Variants in ZDHHC8 observed in about 807,000 individuals in gnomAD.
The protein encoded by ZDHHC8 is zDHHC palmitoyltransferase 8.
Under a neutral mutation model 61.2 loss-of-function variants are expected in ZDHHC8, and 24 were observed. The observed-to-expected ratio is 0.39, with a 90% CI of 0.28 to 0.55. The LOEUF is 0.55. Ranked by LOEUF, ZDHHC8 falls within the 20% of genes least tolerant of loss-of-function variation. The probability of loss-of-function intolerance (pLI) is 0.60; values close to 1 mark genes in which losing one functional copy is unlikely to be tolerated. For missense variants in ZDHHC8, 935 were observed against 1,102.1 expected (o/e 0.85, Z 2.15); for synonymous variants, 523 against 492.5 (o/e 1.06, Z -0.82).
chr22:20,144,683 G>A (rs1374035521), intron 10 of ZDHHC8, among the ~76,000 whole-genome samples: 1 of 152,256 alleles, frequency 6.6e-6, no homozygotes, highest in East Asian at 1.9e-4. Flanking sequence ...GGAGTGATGA[G>A]TGGGGAGCCC....
In ZDHHC8 at chr22:20,141,487, TC is replaced by T; in HGVS notation, c.1086del (p.Thr363ArgfsTer20). 6.2e-7 allele frequency: 1 copy of T among 1,612,908 alleles called. No individual in the cohort carries two copies. Among genetic ancestry groups the T allele is most frequent in the Non-Finnish European group, 8.5e-7 (1 of 1,179,864 alleles). ...TPAMYKFRPA[F>X]PTGPKVPFCG... ...GCCATGTACAAGTTTAGGCCGGCTT[TC>T]CCCACGGGTCCCAAGGTGCCCTTCT... On this transcript the variant is annotated frameshift_variant, in exon 9 of 11. Coordinates refer to ENST00000334554, the MANE Select transcript of ZDHHC8 (RefSeq NM_013373.4). LOFTEE classifies it high-confidence loss of function.
intron 5 of ZDHHC8, 70 bp downstream of exon 5, chr22:20,140,287 G>A: frequency 2.1e-6 from 3 of 1,451,270 alleles, no homozygotes; most frequent in Non-Finnish European, 2.8e-6. Flanking sequence ...GGACAGGGTG[G>A]GGGCTGGGGC....
At chr22:20,136,015 C>T (rs1037279444) in intron 1 of ZDHHC8, among the ~76,000 whole-genome samples, 5 of 152,252 alleles carry the variant, frequency 3.3e-5, no homozygotes, top group South Asian at 4.1e-4. Context: ...CCAGCCCAGG[C>T]GGGACTTGGG....
chr22:20,136,917 G>T (rs913070962), intron 1 of ZDHHC8, among the ~76,000 whole-genome samples: 3 of 152,224 alleles, frequency 2.0e-5, no homozygotes, highest in Non-Finnish European at 4.4e-5. Context: ...GCCTGCGTGT[G>T]CTCCTCATCT....
Position 20,147,469 on chromosome 22 carries a change from G to A in ZDHHC8, c.*2069G>A. The A allele has an allele frequency of 7.0e-6, 3 of 426,122 alleles. No homozygotes were observed. Among genetic ancestry groups the A allele is most frequent in the Non-Finnish European group, 1.2e-5 (3 of 245,668 alleles). 26.4% of individuals were successfully genotyped at this position (426,122 alleles called of 1,614,324 possible). A position where few individuals can be genotyped will look rare whatever the true frequency, so the allele number is the denominator to read the frequency against. ...CCCACAGGGGGGCAGTCCCAGAGCT[G>A]TGGGGACCGGCACGACCTTTGCCCA... On this transcript the variant is annotated 3_prime_UTR_variant, in exon 11 of 11. Transcript: ENST00000334554.
intron 9 of ZDHHC8, among the ~76,000 whole-genome samples, chr22:20,141,826 A>G (rs2050473860): frequency 6.6e-6 from 1 of 152,180 alleles, no homozygotes; most frequent in Admixed American, 6.5e-5. Context: ...CTTGGCCAGC[A>G]TTGCCCTAGG....
chr22:20,145,824 CCTT>C lies in ZDHHC8; in HGVS notation c.*427_*429del. On this transcript the variant is annotated 3_prime_UTR_variant, in exon 11 of 11. Transcript: ENST00000334554. ...CAGAGGCACCCAGGGCCCCCACCGT[CCTT>C]CTGACACAGCCTGTGGGCTCCCGGA... 2 of 987,888 alleles carry C rather than the reference CCTT, an allele frequency of 2.0e-6. No homozygotes were observed. Among genetic ancestry groups the C allele is most frequent in the Non-Finnish European group, 2.4e-6 (2 of 831,622 alleles). 61.2% of individuals were successfully genotyped at this position (987,888 alleles called of 1,614,324 possible). A position where few individuals can be genotyped will look rare whatever the true frequency, so the allele number is the denominator to read the frequency against.
chr22:20,141,472 A>C lies in ZDHHC8; in HGVS notation c.1067A>C (p.Lys356Thr). 2.5e-6 allele frequency: 4 copies of C among 1,613,258 alleles called. No homozygotes were observed. Among genetic ancestry groups the C allele is most frequent in the Non-Finnish European group, 3.4e-6 (4 of 1,179,914 alleles). Reference sequence around the variant, plus strand: ...AGCCCCCCGACACCTGCCATGTACAAGTTTAGGCCGGCTTTCCCCACGGGT... The same window carrying C: ...AGCCCCCCGACACCTGCCATGTACACGTTTAGGCCGGCTTTCCCCACGGGT... ...RTSPPTPAMYKFRPAFPTGPK... is the reference protein window; with the variant it reads ...RTSPPTPAMYTFRPAFPTGPK... The change falls in exon 9 of 11, where the codon AAG becomes ACG. Residue 356 changes from lysine (K) to threonine (T), a missense_variant. Lys to Thr is a moderately conservative substitution (Grantham distance 78, BLOSUM62 -1). Transcript: ENST00000334554.
chr22:20,143,872 G>C, intron 10 of ZDHHC8, 116 bp downstream of exon 10: 1 of 1,325,604 alleles, frequency 7.5e-7, no homozygotes, highest in Non-Finnish European at 1.0e-6. Context: ...GTTTTTCTCT[G>C]GGGACGGGAC....
rs142069002 is a variant in ZDHHC8, at chr22:20,143,559, C to G, written c.1929C>G (p.Ser643=). The G allele has an allele frequency of 2.6e-5, 42 of 1,596,936 alleles. 1 individual carries two copies. In the South Asian group the frequency reaches 3.5e-4, roughly 13 times the overall value. ...SSVSRAPRTS[S]SSLQADQASS... is the part of the protein sequence containing the mutation. Reference sequence around the variant, plus strand: ...TGAGCCGTGCACCGCGGACGTCGTCCTCCTCCCTGCAGGCTGATCAGGCCA... The same window carrying G: ...TGAGCCGTGCACCGCGGACGTCGTCGTCCTCCCTGCAGGCTGATCAGGCCA... Residue 643 remains serine (S), a synonymous_variant, in exon 10 of 11, where the codon TCC becomes TCG. Transcript: ENST00000334554.
intron 1 of ZDHHC8, among the ~76,000 whole-genome samples, chr22:20,132,730 C>T (rs1014254365): frequency 6.6e-6 from 1 of 152,256 alleles, no homozygotes; most frequent in Non-Finnish European, 1.5e-5. Context: ...TGAGAGCCCG[C>T]GCCTGCAGGA....
chr22:20,135,138 A>G (rs569844148), intron 1 of ZDHHC8, among the ~76,000 whole-genome samples: 1 of 151,098 alleles, frequency 6.6e-6, no homozygotes, highest in Non-Finnish European at 1.5e-5. Flanking sequence ...TTTAGTAGAG[A>G]TGGGGTCTCG....
intron 10 of ZDHHC8, among the ~76,000 whole-genome samples, chr22:20,144,561 C>T (rs567223577): frequency 6.6e-6 from 1 of 152,232 alleles, no homozygotes; most frequent in Non-Finnish European, 1.5e-5. Flanking sequence ...GCCCAGGCCA[C>T]TTGGCCACAA....
At position 20,146,448 on chromosome 22, in the gene ZDHHC8, AAG is replaced by A. The variant is rs776948001; in HGVS notation, c.*1051_*1052del. 247 of 985,494 alleles carry A rather than the reference AAG, an allele frequency of 2.5e-4. No individual in the cohort carries two copies. The highest frequency in any genetic ancestry group is 1.6e-3 in the Middle Eastern group (3 of 1,914). The allele number at this position is 985,494 out of a possible 1,614,324, so 61.0% of individuals were successfully genotyped here. ...CTATAATTTTATTAAAAAAAAGAAA[AAG>A]AGTTATTTTGATTCTTTCCTTGGGC... On this transcript the variant is annotated 3_prime_UTR_variant, in exon 11 of 11. Coordinates refer to ENST00000334554, the MANE Select transcript of ZDHHC8 (RefSeq NM_013373.4).
Position 20,132,061 on chromosome 22 carries a change from C to CG in ZDHHC8, c.104+11dup. The stretch of plus-strand genomic sequence containing the variant: ...TCTTCTTCGTGTTCACGTGAGTCGG[C>CG]GCCGCGTCTGGGGGCACGCGGGCAG... On this transcript the variant is annotated intron_variant, in intron 1 of 10. Transcript: ENST00000334554. 1 of 1,289,072 alleles carries CG rather than the reference C, an allele frequency of 7.8e-7. No homozygotes were observed. Among genetic ancestry groups the CG allele is most frequent in the Non-Finnish European group, 1.0e-6 (1 of 1,000,196 alleles). 79.9% of individuals were successfully genotyped at this position (1,289,072 alleles called of 1,614,324 possible).
chr22:20,133,040 G>T (rs560800652), intron 1 of ZDHHC8, among the ~76,000 whole-genome samples: 4 of 152,358 alleles, frequency 2.6e-5, no homozygotes, highest in Non-Finnish European at 5.9e-5. Context: ...GCTGCCTGGC[G>T]CTCGTCACCT....
chr22:20,142,245 C>T (rs555401590), intron 9 of ZDHHC8, among the ~76,000 whole-genome samples: 4 of 152,158 alleles, frequency 2.6e-5, no homozygotes, highest in Non-Finnish European at 4.4e-5. Flanking sequence ...ATGTAGGGGC[C>T]GTGCCTCGCA....
rs1330047106 is a variant in ZDHHC8, at chr22:20,140,656, C to T, written c.700C>T (p.Arg234Ter). 1.2e-6 allele frequency: 2 copies of T among 1,611,628 alleles called. No homozygotes were observed. Among genetic ancestry groups the T allele is most frequent in the Non-Finnish European group, 1.7e-6 (2 of 1,179,574 alleles). The part of the protein sequence containing the change: ...KFRGGVNPFT[R>*]GCCGNVEHVL... Reference sequence around the variant, plus strand: ...CCGCGGGGGTGTGAACCCTTTCACCCGAGGCTGCTGTGGGAATGTGGAGCA... The same window carrying T: ...CCGCGGGGGTGTGAACCCTTTCACCTGAGGCTGCTGTGGGAATGTGGAGCA... Residue 234 changes from arginine to a stop codon, truncating the protein, a stop_gained, in exon 6 of 11, where the codon CGA becomes TGA. Coordinates refer to ENST00000334554, the MANE Select transcript of ZDHHC8 (RefSeq NM_013373.4). LOFTEE classifies it high-confidence loss of function.
rs754561975 is a variant in ZDHHC8, at chr22:20,143,166, G to A, written c.1536G>A (p.Gly512=). ...AGYHSPYLHP[G]ATGDPPRPLP... is the part of the protein sequence containing the mutation. ...ACCACTCACCCTACCTGCATCCTGG[G>A]GCAACGGGCGACCCGCCACGGCCCC... is the stretch of plus-strand genomic sequence containing the variant. The change falls in exon 10 of 11, where the codon GGG becomes GGA. Residue 512 remains glycine (G), a synonymous_variant. Coordinates refer to ENST00000334554, the MANE Select transcript of ZDHHC8 (RefSeq NM_013373.4). 7 of 1,610,998 alleles carry A rather than the reference G, an allele frequency of 4.3e-6. No individual in the cohort carries two copies. The highest frequency in any genetic ancestry group is 8.5e-7 in the Non-Finnish European group (1 of 1,179,732).
Sources: allele counts gnomAD v4.1 joint callset (sites outside exome capture counted in the v4.1 genomes callset), GRCh38; gene constraint gnomAD v4.1.1; transcripts MANE v1.5; gene names NCBI Gene and HGNC (gene_info 2026-07-23, HGNC 2026-07-21).